The following ELAVL2 variants were observed in gnomAD, a reference collection of about 807,000 sequenced individuals.
ELAVL2 encodes the protein ELAV like RNA binding protein 2.
ELAVL2 carries 4 observed loss-of-function variants against 34.6 expected under a neutral mutation model. The ratio of observed to expected loss-of-function variants is 0.12; its 90% CI spans 0.06 to 0.26. ELAVL2 has a LOEUF of 0.26. ELAVL2 is among the 10% of genes least tolerant of loss of function. ELAVL2 has a pLI of 1.00. For synonymous variants in ELAVL2, 193 were observed against 154.8 expected (o/e 1.25, Z -1.83); for missense variants, 432 against 442.8 (o/e 0.98, Z 0.22).
At chr9:23,773,834 A>G (rs1003026124) in intron 1 of ELAVL2, among the ~76,000 whole-genome samples, 20 of 152,164 alleles carry the variant, frequency 1.3e-4, no homozygotes, top group Admixed American at 2.0e-4. Context: ...GCACTTTACA[A>G]ACTCTAAGGT....
At chr9:23,744,909 T>A (rs1362822712) in intron 2 of ELAVL2, among the ~76,000 whole-genome samples, 1 of 151,862 alleles carries the variant, frequency 6.6e-6, no homozygotes, top group African/African-American at 2.4e-5. Context: ...CTTTTAAAAA[T>A]AAACAAACCA....
intron 2 of ELAVL2, among the ~76,000 whole-genome samples, chr9:23,748,268 T>G (rs1355074495): frequency 2.0e-5 from 3 of 152,046 alleles, no homozygotes; most frequent in African/African-American, 7.2e-5. Flanking sequence ...TGACTCTGAT[T>G]GAGGAATGGC....
chr9:23,807,492 T>C (rs2062393849), intron 1 of ELAVL2, among the ~76,000 whole-genome samples: 1 of 152,058 alleles, frequency 6.6e-6, no homozygotes, highest in Admixed American at 6.6e-5. Context: ...ACAACAAATG[T>C]CTTCCAAAGT....
At chr9:23,817,956 T>C (rs1171633462) in intron 1 of ELAVL2, among the ~76,000 whole-genome samples, 1 of 152,224 alleles carries the variant, frequency 6.6e-6, no homozygotes, top group Non-Finnish European at 1.5e-5. Flanking sequence ...CTTGGCAAAT[T>C]TACGTTATGT....
chr9:23,815,890 T>C (rs2063635261), intron 1 of ELAVL2, among the ~76,000 whole-genome samples: 1 of 152,144 alleles, frequency 6.6e-6, no homozygotes, highest in African/African-American at 2.4e-5. Context: ...TAAAACAAAC[T>C]ATGAGACAGG....
At chr9:23,828,622 G>GT (rs962243770), upstream of ELAVL2, among the ~76,000 whole-genome samples, 4 of 151,638 alleles carry the variant, frequency 2.6e-5, no homozygotes, top group African/African-American at 9.7e-5. Flanking sequence ...AGTATTTATG[G>GT]TTTTTTTTCA....
intron 2 of ELAVL2, among the ~76,000 whole-genome samples, chr9:23,751,540 C>A (rs1365342151): frequency 2.6e-5 from 4 of 152,104 alleles, no homozygotes; most frequent in Non-Finnish European, 4.4e-5. Flanking sequence ...TTTTGAACAT[C>A]CCAAAACACA....
intron 2 of ELAVL2, among the ~76,000 whole-genome samples, chr9:23,756,430 A>G (rs1341073913): frequency 6.6e-6 from 1 of 152,174 alleles, no homozygotes; most frequent in Non-Finnish European, 1.5e-5. Context: ...AACAACTGAG[A>G]GTAATGGTGA....
chr9:23,787,076 G>A (rs532830997), intron 1 of ELAVL2, among the ~76,000 whole-genome samples: 1 of 152,246 alleles, frequency 6.6e-6, no homozygotes, highest in African/African-American at 2.4e-5. Flanking sequence ...AAGGGCAACA[G>A]ATATATATAC....
At chr9:23,709,996 T>G (rs759109116) in intron 3 of ELAVL2, among the ~76,000 whole-genome samples, 1 of 151,986 alleles carries the variant, frequency 6.6e-6, no homozygotes, top group African/African-American at 2.4e-5. Flanking sequence ...AATACTGAGA[T>G]TATATGAGGG....
chr9:23,754,868 T>C (rs192088993), intron 2 of ELAVL2, among the ~76,000 whole-genome samples: 1 of 152,252 alleles, frequency 6.6e-6, no homozygotes, highest in East Asian at 1.9e-4. Flanking sequence ...AAATTTCCCA[T>C]GGGAAGATGT....
chr9:23,704,151 T>TTTTTTTTTTTTTTTTTTTTTTTTGAGAC (rs1473637219), intron 4 of ELAVL2, among the ~76,000 whole-genome samples: 26 of 151,710 alleles, frequency 1.7e-4, no homozygotes, highest in Non-Finnish European at 2.5e-4. Context: ...ACGCTGGTCT[T>TTTTTTTTTTTTTTTTTTTTTTTTGAGAC]GAACTCCCAG....
intron 1 of ELAVL2, among the ~76,000 whole-genome samples, chr9:23,797,707 C>T (rs1348181918): frequency 6.6e-6 from 1 of 152,152 alleles, no homozygotes; most frequent in Non-Finnish European, 1.5e-5. Flanking sequence ...GCAGGTGGAT[C>T]ATCTGAGGTC....
At chr9:23,707,122 A>C (rs192269172) in intron 3 of ELAVL2, among the ~76,000 whole-genome samples, 1 of 152,346 alleles carries the variant, frequency 6.6e-6, no homozygotes, top group East Asian at 1.9e-4. Flanking sequence ...CTCTATGCCT[A>C]AATACTTAAG....
chr9:23,743,954 A>G (rs1438968088), intron 2 of ELAVL2, among the ~76,000 whole-genome samples: 5 of 152,212 alleles, frequency 3.3e-5, no homozygotes, highest in Non-Finnish European at 7.3e-5. Context: ...CTATACACAG[A>G]GCTTCTCAGC....
At chr9:23,752,701 C>T (rs1259356091) in intron 2 of ELAVL2, among the ~76,000 whole-genome samples, 1 of 152,128 alleles carries the variant, frequency 6.6e-6, no homozygotes, top group East Asian at 1.9e-4. Flanking sequence ...ATGATCTGCC[C>T]ACCTTGGCCT....
chr9:23,820,315 A>G (rs1294366975), intron 1 of ELAVL2, among the ~76,000 whole-genome samples: 1 of 152,224 alleles, frequency 6.6e-6, no homozygotes, highest in Non-Finnish European at 1.5e-5. Flanking sequence ...TATTAGGAAT[A>G]GGGCCACTAG....
chr9:23,719,220 G>T (rs1377543251), intron 3 of ELAVL2, among the ~76,000 whole-genome samples: 1 of 152,140 alleles, frequency 6.6e-6, no homozygotes, highest in Non-Finnish European at 1.5e-5. Context: ...TTTGGTACCA[G>T]GCCCTTTCCC....
chr9:23,698,072 C>T (rs1364976620), intron 5 of ELAVL2, among the ~76,000 whole-genome samples: 2 of 152,076 alleles, frequency 1.3e-5, no homozygotes, highest in Admixed American at 6.6e-5. Context: ...GCCTTAAAGG[C>T]AACTCAAGTG....
Sources: allele counts gnomAD v4.1 joint callset (sites outside exome capture counted in the v4.1 genomes callset), GRCh38; gene constraint gnomAD v4.1.1; transcripts MANE v1.5; gene names NCBI Gene and HGNC (gene_info 2026-07-23, HGNC 2026-07-21).